TSACC: variants seen among roughly 807,000 people sequenced by gnomAD.
The protein encoded by TSACC is TSSK6-activating co-chaperone protein.
TSACC carries 3 observed loss-of-function variants against 6.9 expected under a neutral mutation model. That is an observed-to-expected ratio of 0.43 (90% CI 0.20 to 1.12). The LOEUF (loss-of-function observed/expected upper bound fraction) is 1.12. Ranked by LOEUF, TSACC falls within the 50% of genes most tolerant of loss-of-function variation. The pLI is 0.28. For missense variants in TSACC, 137 were observed against 143.9 expected, an observed-to-expected ratio of 0.95 and a Z score of 0.24; for synonymous variants, 54 against 55.1, an observed-to-expected ratio of 0.98 and a Z score of 0.09.
At chr1:156,344,354 GTA>G (rs1464648769) in intron 2 of TSACC, among the ~76,000 whole-genome samples, 1 of 152,126 alleles carries the variant, frequency 6.6e-6, no homozygotes, top group Non-Finnish European at 1.5e-5. Flanking sequence ...AGCATGTAGT[GTA>G]TATCAGTAAG....
At chr1:156,338,296 T>C (rs1414301727), upstream of TSACC, 6 of 1,022,976 alleles carry the variant, frequency 5.9e-6, 1 homozygote, top group African/African-American at 1.6e-5. Context: ...GGCTTACACC[T>C]CAACCCGCTA....
In TSACC at chr1:156,344,640, A is replaced by G; in HGVS notation, c.95A>G (p.Tyr32Cys). The G allele has an allele frequency of 1.9e-6, 3 of 1,614,074 alleles. No homozygotes were observed. The highest frequency in any genetic ancestry group is 2.5e-6 in the Non-Finnish European group (3 of 1,180,006). The change falls in exon 3 of 4, where the codon TAT becomes TGT. Residue 32 changes from tyrosine to cysteine, a missense_variant. Coordinates refer to ENST00000368254, the MANE Select transcript of TSACC (RefSeq NM_001304817.2). ...TGTAGAGCAAAACCCTCCCCCAGCT[A>G]TATTAATCTTCAAGCAAGTTCCCCA... The part of the protein sequence containing the change: ...PLCRAKPSPS[Y>C]INLQASSPPA...
intron 2 of TSACC, 42 bp from the exon 3 acceptor site, chr1:156,344,537 TC>T (rs761107319): frequency 6.2e-7 from 1 of 1,603,100 alleles, no homozygotes; most frequent in South Asian, 1.1e-5. Context: ...AGAAAGGCTG[TC>T]CCTTGTTGGA....
chr1:156,341,845 C>T lies in TSACC; in HGVS notation c.34+2054C>T, dbSNP rs142289500. On this transcript the variant is annotated intron_variant, in intron 2 of 3. Coordinates refer to ENST00000368254, the MANE Select transcript of TSACC (RefSeq NM_001304817.2). ...TTGGAAGGCTGAGGCAGGCAGATCA[C>T]GAGGTCAGGAGATCGAGACCATCCT... is the stretch of plus-strand genomic sequence containing the variant. Among the ~76,000 whole-genome samples the T allele has an allele frequency of 8.5e-3, 1,296 of 152,142 alleles. 21 individuals are homozygous for T. The highest frequency in any genetic ancestry group is 0.03 in the African/African-American group (1,240 of 41,506).
chr1:156,343,071 T>C (rs1349917223), intron 2 of TSACC, among the ~76,000 whole-genome samples: 1 of 152,214 alleles, frequency 6.6e-6, no homozygotes, highest in Non-Finnish European at 1.5e-5. Flanking sequence ...TAATGTATTT[T>C]TGCAGCTCCT....
intron 1 of TSACC, 128 bp from the exon 2 acceptor site, chr1:156,339,506 A>G (rs900106246): frequency 3.7e-5 from 17 of 462,148 alleles, no homozygotes; most frequent in African/African-American, 3.4e-4. Context: ...TATTTTGTCC[A>G]GAAAAAAAAG....
intron 2 of TSACC, among the ~76,000 whole-genome samples, chr1:156,341,542 TATAAG>T (rs1463423528): frequency 2.6e-5 from 4 of 152,152 alleles, no homozygotes; most frequent in Admixed American, 1.3e-4. Context: ...GTGAGAAACA[TATAAG>T]AGAATGTATG....
chr1:156,346,266 C>A (rs1183157698), intron 3 of TSACC, among the ~76,000 whole-genome samples: 2 of 150,556 alleles, frequency 1.3e-5, no homozygotes, highest in Non-Finnish European at 3.0e-5. Flanking sequence ...AGTTAGGGAA[C>A]TTCAGGTCAC....
upstream of TSACC, chr1:156,337,797 A>AAG (rs1456446073): frequency 3.0e-6 from 1 of 331,292 alleles, no homozygotes; most frequent in Non-Finnish European, 5.5e-6. Context: ...TAACTGAAAA[A>AAG]AAAACAAAAA....
intron 2 of TSACC, 34 bp from the exon 3 acceptor site, chr1:156,344,545 TG>T: frequency 2.5e-6 from 4 of 1,606,998 alleles, no homozygotes; most frequent in Non-Finnish European, 3.4e-6. Context: ...TGTCCCTTGT[TG>T]GAATGAGCTC....
At chr1:156,339,612 T>C in intron 1 of TSACC, 22 bp from the exon 2 acceptor site, 1 of 926,528 alleles carries the variant, frequency 1.1e-6, no homozygotes, top group Non-Finnish European at 1.6e-6. Context: ...TGAAATAGAG[T>C]TTCCTACTTT....
At chr1:156,339,524 T>G (rs1475774079) in intron 1 of TSACC, 110 bp from the exon 2 acceptor site, 1 of 480,400 alleles carries the variant, frequency 2.1e-6, no homozygotes, top group Non-Finnish European at 3.7e-6. Context: ...AAGGAAGCAC[T>G]AAAGGAAAAC....
At chr1:156,338,086 C>T (rs1264359365), upstream of TSACC, 1 of 1,528,042 alleles carries the variant, frequency 6.5e-7, no homozygotes, top group East Asian at 2.4e-5. Context: ...GGAGCTGGGG[C>T]AACACTGAAA....
At chr1:156,342,437 G>A (rs1383091173) in intron 2 of TSACC, among the ~76,000 whole-genome samples, 3 of 152,210 alleles carry the variant, frequency 2.0e-5, no homozygotes, top group Admixed American at 2.0e-4. Context: ...CTTCCAGACA[G>A]AAAGCATCTC....
intron 2 of TSACC, among the ~76,000 whole-genome samples, chr1:156,344,286 T>A (rs1666046546): frequency 6.6e-6 from 1 of 152,224 alleles, no homozygotes; most frequent in Non-Finnish European, 1.5e-5. Flanking sequence ...ATACTAAGCA[T>A]CTAAGAAACC....
At position 156,344,582 on chromosome 1, in the gene TSACC, C is replaced by T; in HGVS notation, c.37C>T (p.Pro13Ser). Reference sequence around the variant, plus strand: ...TGATTTAGTTATCTCTGATTTAGTTCCAGCCAAAGAGGAAGCTAATGCTGT... The same window carrying T: ...TGATTTAGTTATCTCTGATTTAGTTTCAGCCAAAGAGGAAGCTAATGCTGT... ...RHTSHPNRKV[P>S]AKEEANAVPL... Residue 13 changes from proline to serine, a missense_variant and splice_region_variant, in exon 3 of 4, where the codon CCA becomes TCA. By Grantham distance (74) the Pro-to-Ser change is moderately conservative. Transcript: ENST00000368254. 1 of 1,613,494 alleles carries T rather than the reference C, an allele frequency of 6.2e-7. No homozygotes were observed. Among genetic ancestry groups the T allele is most frequent in the East Asian group, 2.2e-5 (1 of 44,848 alleles).
At chr1:156,338,396 A>G, upstream of TSACC, 1 of 583,304 alleles carries the variant, frequency 1.7e-6, no homozygotes, top group Non-Finnish European at 3.1e-6. Flanking sequence ...CCCCTACGCA[A>G]GAACGGCCAG....
intron 1 of TSACC, 124 bp from the exon 2 acceptor site, chr1:156,339,507 GAAA>G (rs1558279586): frequency 2.2e-6 from 1 of 456,574 alleles, no homozygotes; most frequent in East Asian, 3.6e-5. Context: ...ATTTTGTCCA[GAAA>G]AAAAAGGAAG....
At chr1:156,346,650 T>G (rs1570964486) in intron 3 of TSACC, 118 bp from the exon 4 acceptor site, 4 of 927,474 alleles carry the variant, frequency 4.3e-6, no homozygotes. Flanking sequence ...TATGTCTGGG[T>G]TGGGTTGTGC....
Sources: allele counts gnomAD v4.1 joint callset (sites outside exome capture counted in the v4.1 genomes callset), GRCh38; gene constraint gnomAD v4.1.1; transcripts MANE v1.5; gene names NCBI Gene and HGNC (gene_info 2026-07-23, HGNC 2026-07-21).